Variants in MYO1D observed in about 807,000 individuals in gnomAD.
MYO1D encodes the protein myosin ID.
A neutral mutation model predicts 122.0 loss-of-function variants in MYO1D; 83 were observed. The observed-to-expected ratio is 0.68, with a 90% CI of 0.57 to 0.82. The LOEUF (loss-of-function observed/expected upper bound fraction) is 0.82, where lower values mean the gene tolerates loss of function less well. Ranked by LOEUF, MYO1D falls within the 40% of genes least tolerant of loss-of-function variation. The probability of loss-of-function intolerance (pLI) is 0.00; values close to 1 mark genes in which losing one functional copy is unlikely to be tolerated. For missense variants in MYO1D, 1,157 were observed against 1,269.5 expected (o/e 0.91, Z 1.35); for synonymous variants, 464 against 446.9 (o/e 1.04, Z -0.48).
chr17:32,748,674 C>T (rs539931508), intron 12 of MYO1D, among the ~76,000 whole-genome samples: 1 of 152,264 alleles, frequency 6.6e-6, no homozygotes, highest in African/African-American at 2.4e-5. Context: ...ATTGACCCGC[C>T]AGCTGATTCT....
chr17:32,702,747 A>T (rs895710354), intron 16 of MYO1D, among the ~76,000 whole-genome samples: 5 of 152,214 alleles, frequency 3.3e-5, no homozygotes, highest in Admixed American at 6.5e-5. Flanking sequence ...CTATAAAGAC[A>T]TGTCTGTAGT....
intron 15 of MYO1D, among the ~76,000 whole-genome samples, chr17:32,717,125 T>G (rs2089458036): frequency 6.6e-6 from 1 of 152,224 alleles, no homozygotes; most frequent in Admixed American, 6.5e-5. Context: ...AGGGGAATAA[T>G]GTATACTCCT....
intron 21 of MYO1D, among the ~76,000 whole-genome samples, chr17:32,515,520 A>G (rs969265767): frequency 4.6e-5 from 7 of 152,118 alleles, no homozygotes; most frequent in African/African-American, 1.7e-4. Context: ...TTAAACTCCT[A>G]GGCTCAAGCA....
chr17:32,719,937 T>A (rs2089491404), intron 15 of MYO1D, among the ~76,000 whole-genome samples: 1 of 152,148 alleles, frequency 6.6e-6, no homozygotes, highest in South Asian at 2.1e-4. Context: ...CAATAGAGCC[T>A]TTTCCCTGGC....
intron 2 of MYO1D, among the ~76,000 whole-genome samples, chr17:32,779,474 CTATA>C (rs1318406694): frequency 1.3e-5 from 2 of 150,396 alleles, no homozygotes; most frequent in Non-Finnish European, 3.0e-5. Context: ...AGACATAATT[CTATA>C]TATAATTATA....
At chr17:32,876,757 G>C (rs1485945830) in intron 1 of MYO1D, 21 bp downstream of exon 1, 2 of 1,488,940 alleles carry the variant, frequency 1.3e-6, no homozygotes, top group Non-Finnish European at 1.8e-6. Context: ...GCGCCCCTGC[G>C]CGCGGCCGCT....
At chr17:32,735,707 T>TC (rs763628049) in intron 14 of MYO1D, among the ~76,000 whole-genome samples, 67 of 152,188 alleles carry the variant, frequency 4.4e-4, no homozygotes, top group Non-Finnish European at 1.0e-4. Context: ...GTTTTTTTTT[T>TC]CTTTATAGAA....
intron 16 of MYO1D, among the ~76,000 whole-genome samples, chr17:32,704,448 A>G (rs2089282658): frequency 6.6e-6 from 1 of 152,242 alleles, no homozygotes; most frequent in African/African-American, 2.4e-5. Context: ...TCCTTCCCAC[A>G]TTAGTTGGTG....
At chr17:32,585,836 CAATTAT>C (rs2087383076) in intron 21 of MYO1D, among the ~76,000 whole-genome samples, 1 of 150,272 alleles carries the variant, frequency 6.7e-6, no homozygotes, top group Non-Finnish European at 1.5e-5. Flanking sequence ...TAATACATAA[CAATTAT>C]AGGAAATTCA....
intron 20 of MYO1D, among the ~76,000 whole-genome samples, chr17:32,619,361 G>A (rs1453060631): frequency 6.6e-6 from 1 of 152,142 alleles, no homozygotes; most frequent in Non-Finnish European, 1.5e-5. Context: ...CAAGACAAAT[G>A]GCCAAGAAGG....
chr17:32,838,491 A>T (rs1228907234), intron 1 of MYO1D, among the ~76,000 whole-genome samples: 1 of 152,192 alleles, frequency 6.6e-6, no homozygotes, highest in Non-Finnish European at 1.5e-5. Context: ...CATAGTGACT[A>T]GATAGTCACT....
chr17:32,505,215 A>T (rs1181946150), intron 21 of MYO1D: 1 of 152,360 alleles, frequency 6.6e-6, no homozygotes, highest in Non-Finnish European at 1.5e-5. Context: ...CATCGGCGCC[A>T]ACCCCAGCTG....
intron 1 of MYO1D, among the ~76,000 whole-genome samples, chr17:32,785,130 T>C (rs1458432723): frequency 6.6e-6 from 1 of 152,180 alleles, no homozygotes; most frequent in Non-Finnish European, 1.5e-5. Context: ...TCTTAAAACC[T>C]ACTGAACATA....
At chr17:32,766,616 C>G (rs1037653422) in intron 7 of MYO1D, among the ~76,000 whole-genome samples, 5 of 151,930 alleles carry the variant, frequency 3.3e-5, no homozygotes, top group African/African-American at 1.2e-4. Context: ...TATGGTGAAA[C>G]CCCGTCTCTA....
chr17:32,615,881 C>T (rs141269435), intron 20 of MYO1D, among the ~76,000 whole-genome samples: 6 of 152,190 alleles, frequency 3.9e-5, no homozygotes, highest in Non-Finnish European at 5.9e-5. Context: ...GATTTGTGGG[C>T]GTGTTTTTTG....
At chr17:32,842,886 CTTTTTTTTTT>C (rs34927176) in intron 1 of MYO1D, among the ~76,000 whole-genome samples, 1 of 104,458 alleles carries the variant, frequency 9.6e-6, no homozygotes, top group Non-Finnish European at 1.9e-5. Flanking sequence ...CTATTTCTTT[CTTTTTTTTTT>C]TTTTTTTTTT....
At chr17:32,654,417 T>C (rs2088443562) in intron 18 of MYO1D, 60 bp downstream of exon 18, 1 of 1,521,568 alleles carries the variant, frequency 6.6e-7, no homozygotes, top group Non-Finnish European at 8.9e-7. Flanking sequence ...TGGAGATATG[T>C]ACTTCTCTTT....
intron 14 of MYO1D, among the ~76,000 whole-genome samples, chr17:32,731,377 T>G (rs2150998405): frequency 6.6e-6 from 1 of 152,322 alleles, no homozygotes; most frequent in South Asian, 2.1e-4. Flanking sequence ...TTCTATCAAT[T>G]GTCTAGTTGC....
intron 1 of MYO1D, among the ~76,000 whole-genome samples, chr17:32,798,637 T>A (rs1193367063): frequency 1.3e-5 from 2 of 152,158 alleles, no homozygotes; most frequent in Non-Finnish European, 2.9e-5. Flanking sequence ...AAGTGAAATA[T>A]CAAAAGCTGC....
Sources: allele counts gnomAD v4.1 joint callset (sites outside exome capture counted in the v4.1 genomes callset), GRCh38; gene constraint gnomAD v4.1.1; transcripts MANE v1.5; gene names NCBI Gene and HGNC (gene_info 2026-07-23, HGNC 2026-07-21).